ZCWPW1: variants seen among roughly 807,000 people sequenced by gnomAD.
ZCWPW1 encodes zinc finger CW-type and PWWP domain containing 1.
In ZCWPW1, 56 loss-of-function variants were observed where a neutral mutation model predicts 81.3. That is an observed-to-expected ratio of 0.69 (90% CI 0.56 to 0.86). The LOEUF (loss-of-function observed/expected upper bound fraction) is 0.86, where lower values mean the gene tolerates loss of function less well. Among genes scored for constraint, ZCWPW1 ranks in the 40% least tolerant of loss-of-function variants. The pLI is 0.00. For missense variants in ZCWPW1, 650 were observed against 769.8 expected (o/e 0.84, Z 1.84); for synonymous variants, 250 against 273.7 (o/e 0.91, Z 0.86).
intron 2 of ZCWPW1, among the ~76,000 whole-genome samples, chr7:100,423,608 C>T (rs1448226851): frequency 5.3e-5 from 8 of 152,158 alleles, no homozygotes; most frequent in African/African-American, 9.7e-5. Flanking sequence ...AAAGCAACGA[C>T]GTTTCCTTTA....
chr7:100,425,161 A>T (rs761005283), intron 1 of ZCWPW1, 25 bp from the exon 2 acceptor site: 2 of 152,240 alleles, frequency 1.3e-5, no homozygotes, highest in Admixed American at 6.5e-5. Flanking sequence ...GAGAGAAAAA[A>T]ATATAGACAG....
intron 2 of ZCWPW1, among the ~76,000 whole-genome samples, chr7:100,421,979 A>G (rs924663367): frequency 6.6e-6 from 1 of 152,210 alleles, no homozygotes; most frequent in African/African-American, 2.4e-5. Flanking sequence ...GACGTGAGCC[A>G]CTACACCCGG....
chr7:100,424,499 A>T (rs1480674783), intron 2 of ZCWPW1, among the ~76,000 whole-genome samples: 1 of 152,034 alleles, frequency 6.6e-6, no homozygotes, highest in African/African-American at 2.4e-5. Context: ...GTCTTGCTCT[A>T]TCACCAGGCT....
chr7:100,418,801 A>T lies in ZCWPW1; in HGVS notation c.361+310T>A, dbSNP rs74627331. On this transcript the variant is annotated intron_variant, in intron 5 of 17. Transcript: ENST00000684423. Reference sequence around the variant, plus strand: ...ACAAGATTCCATCTCAAAAAAAAAAAAATAATAAATAAGTAAATAAATAAC... The same window carrying T: ...ACAAGATTCCATCTCAAAAAAAAAATAATAATAAATAAGTAAATAAATAAC... The T allele has an allele frequency of 3.7e-3, 605 of 162,082 alleles. 20 individuals are homozygous for T. The East Asian group carries it at 0.058, about 15-fold the overall frequency. 10.0% of individuals were successfully genotyped at this position (162,082 alleles called of 1,614,324 possible). A position where few individuals can be genotyped will look rare whatever the true frequency, so the allele number is the denominator to read the frequency against.
chr7:100,404,294 G>C, intron 13 of ZCWPW1, 50 bp from the exon 14 acceptor site: 2 of 1,546,484 alleles, frequency 1.3e-6, no homozygotes, highest in Non-Finnish European at 8.9e-7. Flanking sequence ...TTCAGGCGCA[G>C]CTTTTGCCTT....
intron 8 of ZCWPW1, among the ~76,000 whole-genome samples, chr7:100,413,984 C>A (rs1435417371): frequency 1.3e-5 from 2 of 152,132 alleles, no homozygotes; most frequent in Non-Finnish European, 2.9e-5. Flanking sequence ...TCTGCAGTAC[C>A]CCAAAAGTTC....
chr7:100,401,053 A>T lies in ZCWPW1; in HGVS notation c.1911T>A (p.Ser637Arg). 6.2e-7 allele frequency: 1 copy of T among 1,613,382 alleles called. No homozygotes were observed. Among genetic ancestry groups the T allele is most frequent in the Non-Finnish European group, 8.5e-7 (1 of 1,179,480 alleles). ...GCGCCACGGGGAAGTCCTCGCCATC[A>T]CTGTTGCTGTGCTGCAGCTCCCCGC... is the stretch of plus-strand genomic sequence containing the variant. ...GQSGELQHSN[S>R]DGEDFPVALF... Residue 637 changes from serine (S) to arginine (R), a missense_variant, in exon 18 of 18, where the codon AGT (serine) becomes AGA (arginine). Physicochemically the swap from Ser to Arg is moderately radical, Grantham distance 110. Transcript: ENST00000684423.
chr7:100,424,419 C>A (rs1796940329), intron 2 of ZCWPW1, among the ~76,000 whole-genome samples: 1 of 152,048 alleles, frequency 6.6e-6, no homozygotes, highest in Non-Finnish European at 1.5e-5. Flanking sequence ...TTATCTTTGG[C>A]ATTTTAAAAC....
chr7:100,420,797 G>T, intron 2 of ZCWPW1, 119 bp from the exon 3 acceptor site: 1 of 878,812 alleles, frequency 1.1e-6, no homozygotes, highest in Non-Finnish European at 1.8e-6. Context: ...CTGCATTCTT[G>T]ACCTCCTCTG....
At chr7:100,419,238 T>C (rs1397524731) in intron 4 of ZCWPW1, 49 bp from the exon 5 acceptor site, 2 of 1,548,836 alleles carry the variant, frequency 1.3e-6, no homozygotes, top group Non-Finnish European at 1.8e-6. Flanking sequence ...TTCCATAGTT[T>C]TCCCCTCTGA....
chr7:100,426,050 A>T (rs781159558), intron 1 of ZCWPW1, among the ~76,000 whole-genome samples: 1 of 152,130 alleles, frequency 6.6e-6, no homozygotes, highest in Non-Finnish European at 1.5e-5. Context: ...CCCACACACC[A>T]TTCAGAATGT....
chr7:100,422,249 C>T (rs73403303), intron 2 of ZCWPW1, among the ~76,000 whole-genome samples: 1,624 of 152,292 alleles, frequency 0.011, 41 homozygotes, highest in African/African-American at 0.038. Context: ...AACTGCTACA[C>T]GACATCCTAA....
At chr7:100,414,132 C>A (rs1165454600) in intron 8 of ZCWPW1, among the ~76,000 whole-genome samples, 2 of 152,202 alleles carry the variant, frequency 1.3e-5, no homozygotes, top group African/African-American at 4.8e-5. Flanking sequence ...TAGACTTATA[C>A]CTCAGTGCCT....
intron 8 of ZCWPW1, among the ~76,000 whole-genome samples, chr7:100,412,639 T>C (rs555545477): frequency 3.9e-5 from 6 of 152,286 alleles, no homozygotes; most frequent in African/African-American, 1.2e-4. Context: ...TGGAGTGCAG[T>C]GGCACGATCT....
In ZCWPW1 at chr7:100,405,114, C is replaced by A. The variant is rs867265060; in HGVS notation, c.1174-21G>T. 6 of 1,607,262 alleles carry A rather than the reference C, an allele frequency of 3.7e-6. No homozygotes were observed. The Middle Eastern group carries it at 8.3e-4, about 222-fold the overall frequency. On this transcript the variant is annotated intron_variant, in intron 12 of 17. Coordinates refer to ENST00000684423, the MANE Select transcript of ZCWPW1 (RefSeq NM_001386010.1). ...TTTTTCTGAAATAGAAGATTAGAGC[C>A]AATGATAAATATTGACTTAAAGATT...
intron 2 of ZCWPW1, among the ~76,000 whole-genome samples, chr7:100,424,107 T>C (rs1171933071): frequency 6.7e-6 from 1 of 150,128 alleles, no homozygotes; most frequent in Non-Finnish European, 1.5e-5. Context: ...AAAATTAGCC[T>C]GTAAAAAGAA....
chr7:100,403,341 G>A (rs534640292), intron 15 of ZCWPW1, among the ~76,000 whole-genome samples: 16 of 151,726 alleles, frequency 1.1e-4, no homozygotes, highest in African/African-American at 3.9e-4. Context: ...TCAGCCTCCC[G>A]AGTAGCTGGG....
intron 5 of ZCWPW1, among the ~76,000 whole-genome samples, chr7:100,417,970 C>A (rs575769436): frequency 1.3e-5 from 2 of 151,880 alleles, no homozygotes; most frequent in East Asian, 3.9e-4. Context: ...CTGCAACTTC[C>A]GCCTCCCAGG....
Position 100,419,028 on chromosome 7 carries a change from GAGA to G in ZCWPW1, c.361+80_361+82del, listed in dbSNP as rs765296154. 7 of 1,080,694 alleles carry G rather than the reference GAGA, an allele frequency of 6.5e-6. No individual in the cohort carries two copies. In the African/African-American group the frequency reaches 1.1e-4, roughly 17 times the overall value. The allele number at this position is 1,080,694 out of a possible 1,614,324, so 66.9% of individuals were successfully genotyped here. A position where few individuals can be genotyped will look rare whatever the true frequency, so the allele number is the denominator to read the frequency against. On this transcript the variant is annotated intron_variant, in intron 5 of 17. Coordinates refer to ENST00000684423, the MANE Select transcript of ZCWPW1 (RefSeq NM_001386010.1). ...TTATTTAGAAGATGGGAGAGAAAGA[GAGA>G]AGCTGTCAGACTTAACTCTCCCTCT...
Sources: gnomAD v4.1 joint callset for allele counts (sites outside exome capture counted in the v4.1 genomes callset) on GRCh38, gnomAD v4.1.1 for gene constraint, MANE v1.5 for transcripts, NCBI Gene and HGNC (gene_info 2026-07-23, HGNC 2026-07-21) for gene names.